Variants in SYT6 observed in about 807,000 individuals in gnomAD.
The protein encoded by SYT6 is synaptotagmin-6.
In SYT6, 24 loss-of-function variants were observed where a neutral mutation model predicts 38.4. The ratio of observed to expected loss-of-function variants is 0.62; its 90% CI spans 0.45 to 0.88. The LOEUF (loss-of-function observed/expected upper bound fraction) is 0.88. Ranked by LOEUF, SYT6 falls within the 40% of genes least tolerant of loss-of-function variation. The pLI, the probability that SYT6 is intolerant of heterozygous loss-of-function variation, is 0.00. For synonymous variants in SYT6, 265 were observed against 241.9 expected, an observed-to-expected ratio of 1.10 and a Z score of -0.89; for missense variants, 611 against 621.0, an observed-to-expected ratio of 0.98 and a Z score of 0.17.
At chr1:114,093,360 T>C (rs572956320) in intron 7 of SYT6, among the ~76,000 whole-genome samples, 1 of 152,334 alleles carries the variant, frequency 6.6e-6, no homozygotes, top group Admixed American at 6.5e-5. Flanking sequence ...CGGTTCTTCA[T>C]GGGCTTCTTA....
At chr1:114,113,954 C>G (rs1453889886) in intron 3 of SYT6, among the ~76,000 whole-genome samples, 2 of 152,244 alleles carry the variant, frequency 1.3e-5, no homozygotes, top group Admixed American at 6.5e-5. Flanking sequence ...CAGCCTCCCC[C>G]CGTGCCAGGG....
At chr1:114,130,367 A>G (rs1466728127) in intron 3 of SYT6, among the ~76,000 whole-genome samples, 2 of 152,214 alleles carry the variant, frequency 1.3e-5, no homozygotes, top group African/African-American at 4.8e-5. Context: ...ATGCTCAAAC[A>G]GGTCATTGCT....
intron 1 of SYT6, chr1:114,153,088 C>G (rs1302242799): frequency 6.6e-6 from 1 of 151,840 alleles, no homozygotes; most frequent in Non-Finnish European, 1.5e-5. Flanking sequence ...ACAAAGACCT[C>G]GTGCCAGCCG....
chr1:114,115,422 CT>C (rs34938214), intron 3 of SYT6, among the ~76,000 whole-genome samples: 8,391 of 141,664 alleles, frequency 0.059, 292 homozygotes, highest in African/African-American at 0.12. Flanking sequence ...GTACTTAACA[CT>C]TTTTTTTTTT....
intron 1 of SYT6, 36 bp downstream of exon 1, chr1:114,153,574 A>G (rs1457096519): frequency 5.2e-6 from 3 of 580,138 alleles, no homozygotes; most frequent in Non-Finnish European, 9.3e-6. Context: ...CAGGACGGAT[A>G]TCCAGGAAGG....
At chr1:114,138,710 G>A (rs1229467135) in intron 2 of SYT6, among the ~76,000 whole-genome samples, 2 of 152,198 alleles carry the variant, frequency 1.3e-5, no homozygotes, top group Non-Finnish European at 2.9e-5. Context: ...ATAATCATAA[G>A]CAATATATGT....
intron 3 of SYT6, among the ~76,000 whole-genome samples, chr1:114,133,708 C>T (rs549474690): frequency 8.9e-4 from 135 of 152,332 alleles, no homozygotes; most frequent in Middle Eastern, 3.4e-3. Context: ...CCATGCAATG[C>T]ACGAGGCCTC....
In SYT6 at chr1:114,092,311, A is replaced by ACTCTCTCTCTCT. The variant is rs35257020; in HGVS notation, c.*52-241_*52-230dup. ...TGCAGAGATAATTAAAGCTTTCTTA[A>ACTCTCTCTCTCT]CTCTCTCTCTCTCTCTCTCTCTCTC... On this transcript the variant is annotated intron_variant, in intron 7 of 7. Transcript: ENST00000610222. Among the ~76,000 whole-genome samples the ACTCTCTCTCTCT allele has an allele frequency of 1.3e-3, 170 of 133,500 alleles. 1 individual carries two copies. Among genetic ancestry groups the ACTCTCTCTCTCT allele is most frequent in the South Asian group, 4.1e-3 (17 of 4,172 alleles). 87.6% of individuals were successfully genotyped at this position (133,500 alleles called of 152,430 possible). A position where few individuals can be genotyped will look rare whatever the true frequency, so the allele number is the denominator to read the frequency against.
Position 114,092,084 on chromosome 1 carries a change from T to G in SYT6, c.*52-2A>C. ...GAAGCTAGCAGCTCGGCCCTGCCAC[T>G]GCAAAGAGGAGAACAATCTGTTTAT... is the stretch of plus-strand genomic sequence containing the variant. On this transcript the variant is annotated splice_acceptor_variant, in intron 7 of 7. Transcript: ENST00000610222. LOFTEE classifies it low-confidence loss of function (3UTR_SPLICE). The G allele has an allele frequency of 6.5e-7, 1 of 1,536,154 alleles. No homozygotes were observed. The highest frequency in any genetic ancestry group is 8.7e-7 in the Non-Finnish European group (1 of 1,146,838).
rs1402376601 is a variant in SYT6 at position 114,090,750 on chromosome 1, G to A, written c.*1384C>T. On this transcript the variant is annotated 3_prime_UTR_variant, in exon 8 of 8. Coordinates refer to ENST00000610222, the MANE Select transcript of SYT6 (RefSeq NM_001253772.2). ...TACTGGGGTTATACAAACTGAGATT[G>A]AGCAAATCAACCTGGTTTTAGGGGT... 6.6e-6 allele frequency: 1 copy of A among 152,344 alleles called. No individual in the cohort carries two copies. Among genetic ancestry groups the A allele is most frequent in the Non-Finnish European group, 1.5e-5 (1 of 68,030 alleles). 9.4% of individuals were successfully genotyped at this position (152,344 alleles called of 1,614,324 possible).
intron 4 of SYT6, 89 bp from the exon 5 acceptor site, chr1:114,099,354 GACCT>G: frequency 2.9e-6 from 4 of 1,363,492 alleles, no homozygotes; most frequent in Non-Finnish European, 4.0e-6. Context: ...CGAAGCCCTA[GACCT>G]ACTGCTGCTC....
At chr1:114,106,366 C>A (rs1676314376) in intron 3 of SYT6, among the ~76,000 whole-genome samples, 1 of 152,032 alleles carries the variant, frequency 6.6e-6, no homozygotes, top group Non-Finnish European at 1.5e-5. Context: ...CTCTCATCAT[C>A]CCTATTGCAC....
rs367976700 is a variant in SYT6 at position 114,091,461 on chromosome 1, A to G, written c.*673T>C. The G allele has an allele frequency of 6.6e-6, 1 of 152,374 alleles. No homozygotes were observed. Among genetic ancestry groups the G allele is most frequent in the East Asian group, 1.9e-4 (1 of 5,306 alleles). The allele number at this position is 152,374 out of a possible 1,614,324, so 9.4% of individuals were successfully genotyped here. A position where few individuals can be genotyped will look rare whatever the true frequency, so the allele number is the denominator to read the frequency against. ...TCACAAGCGCCTCAGAGGTCTTGTG[A>G]TTTCAACACGGGACTGAGGGTCCCA... On this transcript the variant is annotated 3_prime_UTR_variant, in exon 8 of 8. Coordinates refer to ENST00000610222, the MANE Select transcript of SYT6 (RefSeq NM_001253772.2).
At chr1:114,135,879 T>C (rs1427818438) in intron 3 of SYT6, among the ~76,000 whole-genome samples, 1 of 152,192 alleles carries the variant, frequency 6.6e-6, no homozygotes, top group Non-Finnish European at 1.5e-5. Context: ...GTTACCATAA[T>C]GAAGCCACAG....
chr1:114,104,069 C>T (rs1393580855), intron 3 of SYT6, among the ~76,000 whole-genome samples: 1 of 152,196 alleles, frequency 6.6e-6, no homozygotes, highest in Non-Finnish European at 1.5e-5. Flanking sequence ...TCTTCCTGTT[C>T]TCCTCCAGCC....
In SYT6 at chr1:114,090,485, A is replaced by C. The variant is rs1056354834; in HGVS notation, c.*1649T>G. 1 of 152,394 alleles carries C rather than the reference A, an allele frequency of 6.6e-6. No homozygotes were observed. Among genetic ancestry groups the C allele is most frequent in the East Asian group, 1.9e-4 (1 of 5,340 alleles). 9.4% of individuals were successfully genotyped at this position (152,394 alleles called of 1,614,324 possible). ...AGAAGATACTATGCAGCGTTCTATC[A>C]GCAGAGAAATCTGACAACTTGGTTT... On this transcript the variant is annotated 3_prime_UTR_variant, in exon 8 of 8. Coordinates refer to ENST00000610222, the MANE Select transcript of SYT6 (RefSeq NM_001253772.2).
chr1:114,137,976 G>T lies in SYT6; in HGVS notation c.590C>A (p.Ala197Glu). 1 of 1,614,054 alleles carries T rather than the reference G, an allele frequency of 6.2e-7. No homozygotes were observed. The highest frequency in any genetic ancestry group is 8.5e-7 in the Non-Finnish European group (1 of 1,180,012). The change falls in exon 3 of 8, where the codon GCA (alanine) becomes GAA (glutamate). Residue 197 changes from alanine to glutamate, a missense_variant. Ala to Glu is a moderately radical substitution (Grantham distance 107). Transcript: ENST00000610222. ...SVDYGNELPP[A>E]AEQPTSIGRI... is the part of the protein sequence containing the mutation. ...GCCAATGCTGGTGGGCTGCTCTGCT[G>T]CTGGTGGAAGCTCATTGCCATAGTC... is the stretch of plus-strand genomic sequence containing the variant.
At chr1:114,129,844 T>G (rs1290307236) in intron 3 of SYT6, among the ~76,000 whole-genome samples, 2 of 150,492 alleles carry the variant, frequency 1.3e-5, no homozygotes, top group Non-Finnish European at 3.0e-5. Context: ...ACCTGTTTTT[T>G]TTTTTTTTTT....
rs562538221 is a variant in SYT6, at chr1:114,124,174, A to G, written c.1071+13321T>C. ...CCACAGAAATGCCAATGGCCATAGC[A>G]ATTCTTAGGAAACAGAGAAAGCAAA... On this transcript the variant is annotated intron_variant, in intron 3 of 7. Coordinates refer to ENST00000610222, the MANE Select transcript of SYT6 (RefSeq NM_001253772.2). 2.0e-5 allele frequency among the ~76,000 whole-genome samples: 3 copies of G among 152,338 alleles called. No individual in the cohort carries two copies. The East Asian group carries it at 5.8e-4, about 29-fold the overall frequency.
Sources: allele counts gnomAD v4.1 joint callset (sites outside exome capture counted in the v4.1 genomes callset), GRCh38; gene constraint gnomAD v4.1.1; transcripts MANE v1.5; gene names NCBI Gene and HGNC (gene_info 2026-07-23, HGNC 2026-07-21).